The following MMD2 variants were observed in gnomAD, a reference collection of about 807,000 sequenced individuals.
The protein encoded by MMD2 is monocyte to macrophage differentiation factor 2.
In MMD2, 30 loss-of-function variants were observed where a neutral mutation model predicts 33.5. That is an observed-to-expected ratio of 0.90 (90% CI 0.67 to 1.22). MMD2 has a LOEUF of 1.22. Among genes scored for constraint, MMD2 ranks in the 50% most tolerant of loss-of-function variants. The pLI is 0.00. For synonymous variants in MMD2, 129 were observed against 123.0 expected (o/e 1.05, Z -0.32); for missense variants, 364 against 325.4 (o/e 1.12, Z -0.91).
chr7:4,906,840 AAC>A lies in MMD2; in HGVS notation c.*554_*555del. 1 of 311,566 alleles carries A rather than the reference AAC, an allele frequency of 3.2e-6. No homozygotes were observed. Among genetic ancestry groups the A allele is most frequent in the Middle Eastern group, 9.4e-4 (1 of 1,066 alleles). 19.3% of individuals were successfully genotyped at this position (311,566 alleles called of 1,614,324 possible). On this transcript the variant is annotated 3_prime_UTR_variant, in exon 7 of 7. Coordinates refer to ENST00000401401, the MANE Select transcript of MMD2 (RefSeq NM_198403.4). ...AAATTGATTGGTACTGGCTGCCCAG[AAC>A]ACTGTGCTGGGAAGAATTCTGACAT...
At chr7:4,939,624 T>C (rs1367231990) in intron 1 of MMD2, among the ~76,000 whole-genome samples, 4 of 152,164 alleles carry the variant, frequency 2.6e-5, no homozygotes, top group South Asian at 2.1e-4. Flanking sequence ...AATGGAACAC[T>C]AGATAGTAAT....
intron 1 of MMD2, among the ~76,000 whole-genome samples, chr7:4,928,328 T>C (rs1184761410): frequency 6.6e-6 from 1 of 152,172 alleles, no homozygotes; most frequent in Non-Finnish European, 1.5e-5. Flanking sequence ...CAGGAGTGCA[T>C]GGAGCATTTA....
chr7:4,920,641 T>C (rs1006728091), intron 2 of MMD2, among the ~76,000 whole-genome samples: 2 of 149,052 alleles, frequency 1.3e-5, no homozygotes, highest in East Asian at 3.9e-4. Flanking sequence ...TTCTTTTCTT[T>C]CTCTTTTCCT....
intron 1 of MMD2, among the ~76,000 whole-genome samples, chr7:4,931,161 G>T (rs924391483): frequency 4.6e-5 from 7 of 151,492 alleles, no homozygotes; most frequent in African/African-American, 1.7e-4. Flanking sequence ...TTTGTTGTTG[G>T]TTTTTGTTTT....
At chr7:4,930,113 CA>C (rs919477830) in intron 1 of MMD2, among the ~76,000 whole-genome samples, 3 of 149,396 alleles carry the variant, frequency 2.0e-5, no homozygotes, top group Admixed American at 1.3e-4. Context: ...ACTAAAAATA[CA>C]AAAAAAATAG....
intron 1 of MMD2, among the ~76,000 whole-genome samples, chr7:4,950,817 A>T (rs2115160000): frequency 6.6e-6 from 1 of 150,730 alleles, no homozygotes; most frequent in South Asian, 2.1e-4. Context: ...GGATTCAAGC[A>T]ATTCTCGTGC....
intron 5 of MMD2, 46 bp from the exon 6 acceptor site, chr7:4,909,996 C>G (rs747236601): frequency 6.2e-7 from 1 of 1,613,958 alleles, no homozygotes; most frequent in Non-Finnish European, 8.5e-7. Context: ...TGCCTCCCCA[C>G]GAAGAAACTG....
chr7:4,900,736 T>G, the MMD2 span, among the ~76,000 whole-genome samples: 4 of 152,170 alleles, frequency 2.6e-5, no homozygotes, highest in African/African-American at 7.2e-5. Context: ...TATCCCCTCT[T>G]CTGCCACCCA....
intron 6 of MMD2, among the ~76,000 whole-genome samples, chr7:4,907,808 C>T (rs940382093): frequency 4.6e-5 from 7 of 152,162 alleles, no homozygotes; most frequent in African/African-American, 7.2e-5. Flanking sequence ...ATTAAAACTT[C>T]ACCAATTTTT....
Position 4,928,351 on chromosome 7 carries a change from G to A in MMD2, c.48-2819C>T, listed in dbSNP as rs191648431. ...CATGGAGCATTTATTCAGCATCTCC[G>A]GTGTGCTGGCTCCACGCTCATCAAG... On this transcript the variant is annotated intron_variant, in intron 1 of 6. Transcript: ENST00000401401. Among the ~76,000 whole-genome samples, 184 of 152,132 alleles carry A rather than the reference G, an allele frequency of 1.2e-3. 1 individual carries two copies. Among genetic ancestry groups the A allele is most frequent in the African/African-American group, 3.5e-3 (144 of 41,516 alleles).
chr7:4,893,373 T>C, the MMD2 span, among the ~76,000 whole-genome samples: 1 of 135,216 alleles, frequency 7.4e-6, no homozygotes, highest in Admixed American at 7.1e-5. Flanking sequence ...CTTTTATTTA[T>C]TTATTTATTT....
At chr7:4,905,153 G>A (rs532419758), downstream of MMD2, among the ~76,000 whole-genome samples, 3 of 152,096 alleles carry the variant, frequency 2.0e-5, no homozygotes, top group Non-Finnish European at 2.9e-5. The surrounding 1 kb of genome is among the most constrained non-coding windows in gnomAD (Gnocchi z 5.0). Flanking sequence ...TCAGACTGAG[G>A]AGTCAGCAGC....
At chr7:4,903,174 G>A (rs1302905199), downstream of MMD2, among the ~76,000 whole-genome samples, 1 of 152,106 alleles carries the variant, frequency 6.6e-6, no homozygotes, top group Non-Finnish European at 1.5e-5. Flanking sequence ...GGAGGCAGAG[G>A]TTGCAGTGAG....
chr7:4,909,257 GGT>G (rs1784944571), intron 6 of MMD2, among the ~76,000 whole-genome samples: 1 of 151,762 alleles, frequency 6.6e-6, no homozygotes, highest in African/African-American at 2.4e-5. Flanking sequence ...GGAAGGCCAA[GGT>G]GGGCTTAAGC....
At chr7:4,935,293 A>T (rs1044331111) in intron 1 of MMD2, among the ~76,000 whole-genome samples, 1 of 152,142 alleles carries the variant, frequency 6.6e-6, no homozygotes, top group African/African-American at 2.4e-5. Context: ...TCGACGCTGC[A>T]GTGAGCTATG....
At position 4,939,004 on chromosome 7, in the gene MMD2, T is replaced by G. The variant is rs1583390010; in HGVS notation, c.48-13472A>C. On this transcript the variant is annotated intron_variant, in intron 1 of 6. Coordinates refer to ENST00000401401, the MANE Select transcript of MMD2 (RefSeq NM_198403.4). The stretch of plus-strand genomic sequence containing the variant: ...GGGTGGATTACCTGAGGTCGGGAGT[T>G]GGAGACCAGCCTGGCCAACATGGTG... Among the ~76,000 whole-genome samples, 4 of 151,240 alleles carry G rather than the reference T, an allele frequency of 2.6e-5. No individual in the cohort carries two copies. The South Asian group carries it at 8.4e-4, about 32-fold the overall frequency.
chr7:4,915,866 G>C (rs1785128439), intron 4 of MMD2, 139 bp downstream of exon 4: 1 of 671,550 alleles, frequency 1.5e-6, no homozygotes, highest in Non-Finnish European at 2.4e-6. Context: ...CTTCCAGGAA[G>C]GAAAAAAGGG....
chr7:4,918,259 A>G (rs756787664), intron 3 of MMD2, among the ~76,000 whole-genome samples: 3 of 152,196 alleles, frequency 2.0e-5, no homozygotes, highest in Non-Finnish European at 2.9e-5. Context: ...TTACAAAGCA[A>G]TCACTGACCA....
At chr7:4,950,712 CT>C (rs71004603) in intron 1 of MMD2, among the ~76,000 whole-genome samples, 64,834 of 133,560 alleles carry the variant, frequency 0.49, 14,656 homozygotes, top group South Asian at 0.63. Flanking sequence ...TTCTTTCCTT[CT>C]TTTTTTTTTT....
Sources: allele counts gnomAD v4.1 joint callset (sites outside exome capture counted in the v4.1 genomes callset), GRCh38; gene constraint gnomAD v4.1.1; non-coding constraint Gnocchi (gnomAD v3.1); transcripts MANE v1.5; gene names NCBI Gene and HGNC (gene_info 2026-07-23, HGNC 2026-07-21).